MDH1: variants seen among roughly 807,000 people sequenced by gnomAD.
MDH1 encodes the protein malate dehydrogenase, cytoplasmic.
A neutral mutation model predicts 38.7 loss-of-function variants in MDH1; 15 were observed. The observed-to-expected ratio is 0.39, with a 90% confidence interval of 0.26 to 0.60. MDH1 has a LOEUF of 0.60. Among genes scored for constraint, MDH1 ranks in the 20% least tolerant of loss-of-function variants. The pLI is 0.56. For missense variants in MDH1, 368 were observed against 405.2 expected (o/e 0.91, Z 0.79); for synonymous variants, 144 against 143.6 (o/e 1.00, Z -0.02).
intron 1 of MDH1, among the ~76,000 whole-genome samples, chr2:63,589,774 C>T (rs1650246659): frequency 6.6e-6 from 1 of 152,072 alleles, no homozygotes; most frequent in Non-Finnish European, 1.5e-5. Flanking sequence ...CTTGTCTCTG[C>T]TGAAAGAGAG....
intron 1 of MDH1, chr2:63,594,171 C>A: frequency 2.0e-6 from 1 of 492,530 alleles, no homozygotes; most frequent in Non-Finnish European, 4.0e-6. Flanking sequence ...GCTCTAGTGG[C>A]TGCCAGGGTT....
At chr2:63,601,809 T>C (rs1018261442) in intron 5 of MDH1, among the ~76,000 whole-genome samples, 3 of 152,258 alleles carry the variant, frequency 2.0e-5, no homozygotes, top group African/African-American at 7.2e-5. Context: ...AGGGAAGTTA[T>C]AGGCTCTAAC....
chr2:63,605,986 T>A lies in MDH1; in HGVS notation c.837T>A (p.Gly279=), dbSNP rs780719777. The A allele has an allele frequency of 4.3e-6, 7 of 1,614,080 alleles. No homozygotes were observed. Among genetic ancestry groups the A allele is most frequent in the Admixed American group, 1.7e-5 (1 of 60,016 alleles). Residue 279 remains glycine, a synonymous_variant, in exon 8 of 9, where the codon GGT becomes GGA. Coordinates refer to ENST00000233114, the MANE Select transcript of MDH1 (RefSeq NM_005917.4). ...TTATCTCTGATGGCAACTCCTATGGTGTTCCTGATGATCTGCTCTACTCAT... is the reference window on the plus strand; with the variant it reads ...TTATCTCTGATGGCAACTCCTATGGAGTTCCTGATGATCTGCTCTACTCAT... The part of the protein sequence containing the change: ...MGVISDGNSY[G]VPDDLLYSFP...
intron 1 of MDH1, chr2:63,590,893 T>C (rs1709189198): frequency 3.9e-5 from 6 of 152,226 alleles, no homozygotes. Context: ...TGTAAGCTCA[T>C]TCAAAGCGGA....
intron 1 of MDH1, 30 bp from the exon 2 acceptor site, chr2:63,594,458 A>G: frequency 6.8e-7 from 1 of 1,463,998 alleles, no homozygotes; most frequent in Non-Finnish European, 9.6e-7. Flanking sequence ...AGTAGTACTT[A>G]AAGATGTTAA....
intron 1 of MDH1, among the ~76,000 whole-genome samples, chr2:63,591,136 G>A (rs1414050744): frequency 1.3e-5 from 2 of 152,230 alleles, no homozygotes; most frequent in Non-Finnish European, 2.9e-5. Flanking sequence ...AAAGTCATTG[G>A]TGCCCTGCTA....
At chr2:63,594,105 T>C (rs1709256300) in intron 1 of MDH1, among the ~76,000 whole-genome samples, 1 of 152,224 alleles carries the variant, frequency 6.6e-6, no homozygotes. Context: ...CTTCTTGGTA[T>C]GAAGATTCTA....
intron 3 of MDH1, among the ~76,000 whole-genome samples, chr2:63,597,030 T>C (rs1709326957): frequency 6.6e-6 from 1 of 152,232 alleles, no homozygotes; most frequent in Non-Finnish European, 1.5e-5. Flanking sequence ...CTTAAAGTAA[T>C]TGTAATTTAA....
In MDH1 at chr2:63,594,688, T is replaced by C. The variant is rs1193526741; in HGVS notation, c.102+102T>C. 4.9e-6 allele frequency: 4 copies of C among 810,236 alleles called. No individual in the cohort carries two copies. The Admixed American group carries it at 9.2e-5, about 19-fold the overall frequency. 50.2% of individuals were successfully genotyped at this position (810,236 alleles called of 1,614,324 possible). A position where few individuals can be genotyped will look rare whatever the true frequency, so the allele number is the denominator to read the frequency against. ...CAAATTGTTAAACAGTGAAGGAATA[T>C]GTAATCCCAGTAAATGTAATAGGCA... On this transcript the variant is annotated intron_variant, in intron 2 of 8. Coordinates refer to ENST00000233114, the MANE Select transcript of MDH1 (RefSeq NM_005917.4).
chr2:63,603,203 A>G (rs986677861), intron 5 of MDH1, among the ~76,000 whole-genome samples: 1 of 151,422 alleles, frequency 6.6e-6, no homozygotes, highest in Non-Finnish European at 1.5e-5. Flanking sequence ...TGATCCTCCC[A>G]CCTCGGCCTC....
In MDH1 at chr2:63,602,934, C is replaced by CTTTTTTTTTT. The variant is rs370479356; in HGVS notation, c.499-1728_499-1719dup. ...ACATAATACAGTTTATTTAACCGTTCTTTTTTTTTTTTTTTTTTTTTTTTT... is the reference window on the plus strand; with the variant it reads ...ACATAATACAGTTTATTTAACCGTTCTTTTTTTTTTTTTTTTTTTTTTTTTTTTTTTTTTT... On this transcript the variant is annotated intron_variant, in intron 5 of 8. Coordinates refer to ENST00000233114, the MANE Select transcript of MDH1 (RefSeq NM_005917.4). Among the ~76,000 whole-genome samples the CTTTTTTTTTT allele has an allele frequency of 1.2e-3, 155 of 131,556 alleles. 12 individuals are homozygous for CTTTTTTTTTT. Among genetic ancestry groups the CTTTTTTTTTT allele is most frequent in the Non-Finnish European group, 2.1e-3 (128 of 59,570 alleles). 86.3% of individuals were successfully genotyped at this position (131,556 alleles called of 152,430 possible).
rs375886443 is a variant in MDH1, at chr2:63,606,863, A to G, written c.881A>G (p.Asn294Ser). 1.9e-6 allele frequency: 3 copies of G among 1,609,484 alleles called. No individual in the cohort carries two copies. Among genetic ancestry groups the G allele is most frequent in the African/African-American group, 2.7e-5 (2 of 74,740 alleles). Residue 294 changes from asparagine to serine, a missense_variant and splice_region_variant, in exon 9 of 9, where the codon AAT becomes AGT. Coordinates refer to ENST00000233114, the MANE Select transcript of MDH1 (RefSeq NM_005917.4). ...LLYSFPVVIKNKTWKFVEGLP... is the reference protein window; with the variant it reads ...LLYSFPVVIKSKTWKFVEGLP... Reference sequence around the variant, plus strand: ...CTTATTTGCATTATTTTCAAACAGAATAAGACCTGGAAGTTTGTTGAAGGT... The same window carrying G: ...CTTATTTGCATTATTTTCAAACAGAGTAAGACCTGGAAGTTTGTTGAAGGT...
At chr2:63,604,162 C>A (rs1709483766) in intron 5 of MDH1, among the ~76,000 whole-genome samples, 1 of 152,186 alleles carries the variant, frequency 6.6e-6, no homozygotes, top group Admixed American at 6.5e-5. Context: ...AAAATGAGGA[C>A]AGTCATATCT....
chr2:63,600,848 A>G lies in MDH1; in HGVS notation c.498+1556A>G, dbSNP rs189689665. Among the ~76,000 whole-genome samples, 42 of 152,332 alleles carry G rather than the reference A, an allele frequency of 2.8e-4. No individual in the cohort carries two copies. The East Asian group carries it at 7.9e-3, about 29-fold the overall frequency. On this transcript the variant is annotated intron_variant, in intron 5 of 8. Coordinates refer to ENST00000233114, the MANE Select transcript of MDH1 (RefSeq NM_005917.4). The stretch of plus-strand genomic sequence containing the variant: ...AGTTGTAAAGGAAGAGATATTATAC[A>G]TGTTACAGTTGCAAACTCTGGATTG...
chr2:63,597,253 C>A (rs1709331594), intron 3 of MDH1, 146 bp from the exon 4 acceptor site: 2 of 1,228,778 alleles, frequency 1.6e-6, no homozygotes, highest in Non-Finnish European at 2.1e-6. Context: ...AATATATTAT[C>A]TTTCTCAGGC....
chr2:63,595,489 C>T lies in MDH1; in HGVS notation c.169C>T (p.Leu57=), dbSNP rs745496734. The T allele has an allele frequency of 5.6e-6, 9 of 1,612,286 alleles. No individual in the cohort carries two copies. Among genetic ancestry groups the T allele is most frequent in the Non-Finnish European group, 7.6e-6 (9 of 1,178,340 alleles). ...MGVLDGVLME[L]QDCALPLLKD... Reference sequence around the variant, plus strand: ...TGTCCTGGACGGTGTCCTAATGGAACTGCAAGACTGTGCCCTTCCCCTCCT... The same window carrying T: ...TGTCCTGGACGGTGTCCTAATGGAATTGCAAGACTGTGCCCTTCCCCTCCT... Residue 57 remains leucine, a synonymous_variant, in exon 3 of 9, where the codon CTG becomes TTG. Coordinates refer to ENST00000233114, the MANE Select transcript of MDH1 (RefSeq NM_005917.4).
At chr2:63,604,630 A>T (rs1446763345) in intron 5 of MDH1, 66 bp from the exon 6 acceptor site, 2 of 1,316,852 alleles carry the variant, frequency 1.5e-6, no homozygotes, top group East Asian at 4.7e-5. Context: ...GCATTTGTCA[A>T]AACAGGTCCC....
intron 5 of MDH1, among the ~76,000 whole-genome samples, chr2:63,603,311 C>A (rs961275017): frequency 5.3e-5 from 8 of 152,066 alleles, no homozygotes; most frequent in African/African-American, 1.9e-4. Context: ...CTGTTATTAC[C>A]CTTATTTTAA....
chr2:63,603,379 CTTTA>C (rs1248390740), intron 5 of MDH1, among the ~76,000 whole-genome samples: 1 of 152,114 alleles, frequency 6.6e-6, no homozygotes, highest in Non-Finnish European at 1.5e-5. Context: ...TACTCAAATG[CTTTA>C]TTTATGTGTG....
Sources: gnomAD v4.1 joint callset for allele counts (sites outside exome capture counted in the v4.1 genomes callset) on GRCh38, gnomAD v4.1.1 for gene constraint, MANE v1.5 for transcripts, NCBI Gene and HGNC (gene_info 2026-07-23, HGNC 2026-07-21) for gene names.